Variants in MEF2A observed in about 807,000 individuals in gnomAD.
MEF2A encodes the protein myocyte enhancer factor 2A, also known as myocyte-specific enhancer factor 2A.
In MEF2A, 28 loss-of-function variants were observed where a neutral mutation model predicts 55.8. The ratio of observed to expected loss-of-function variants is 0.50; its 90% CI spans 0.37 to 0.69. The LOEUF is 0.69. Among genes scored for constraint, MEF2A ranks in the 30% least tolerant of loss-of-function variants. The pLI is 0.00. For synonymous variants in MEF2A, 239 were observed against 227.1 expected (o/e 1.05, Z -0.47); for missense variants, 528 against 626.2 (o/e 0.84, Z 1.67).
In MEF2A at chr15:99,655,523, G is replaced by A. The variant is rs547822455; in HGVS notation, c.258+9759G>A. ...GAGGGGTGTTTAAAAGTTTTAAGTA[G>A]TCAAGTCATTGTTACAGGAATTAAT... On this transcript the variant is annotated intron_variant, in intron 4 of 11. Transcript: ENST00000557942. Among the ~76,000 whole-genome samples the A allele has an allele frequency of 2.6e-5, 4 of 152,202 alleles. No individual in the cohort carries two copies. In the South Asian group the frequency reaches 8.3e-4, roughly 32 times the overall value.
At chr15:99,689,996 C>T (rs1223825216) in intron 7 of MEF2A, among the ~76,000 whole-genome samples, 2 of 152,168 alleles carry the variant, frequency 1.3e-5, no homozygotes, top group Non-Finnish European at 2.9e-5. Context: ...TGACGTGATT[C>T]TCAGAAGTGT....
chr15:99,615,025 T>G (rs2039963571), intron 2 of MEF2A, among the ~76,000 whole-genome samples: 1 of 152,102 alleles, frequency 6.6e-6, no homozygotes, highest in Non-Finnish European at 1.5e-5. Context: ...AAGGTTGCTG[T>G]AATGAAAATG....
intron 4 of MEF2A, among the ~76,000 whole-genome samples, chr15:99,666,849 C>T (rs1158167955): frequency 4.6e-5 from 7 of 152,178 alleles, no homozygotes; most frequent in African/African-American, 1.7e-4. Flanking sequence ...TTAATAGCTT[C>T]CGACAGAAAG....
At chr15:99,708,462 A>G (rs1189730854) in intron 10 of MEF2A, among the ~76,000 whole-genome samples, 3 of 152,230 alleles carry the variant, frequency 2.0e-5, no homozygotes, top group African/African-American at 7.2e-5. Flanking sequence ...AGTATAAAAG[A>G]AATTACCAAA....
intron 1 of MEF2A, among the ~76,000 whole-genome samples, chr15:99,572,117 A>T (rs1483826652): frequency 1.3e-5 from 2 of 148,826 alleles, no homozygotes; most frequent in Non-Finnish European, 3.0e-5. Flanking sequence ...GTGACTTCCC[A>T]TTCCTCTCAA....
At chr15:99,692,449 G>C (rs185103496) in intron 8 of MEF2A, among the ~76,000 whole-genome samples, 301 of 152,208 alleles carry the variant, frequency 2.0e-3, no homozygotes, top group Non-Finnish European at 2.8e-3. Flanking sequence ...GAGATTTCAC[G>C]GCAACCAACT....
chr15:99,572,641 C>T (rs1427846361), intron 1 of MEF2A, among the ~76,000 whole-genome samples: 1 of 152,084 alleles, frequency 6.6e-6, no homozygotes, highest in East Asian at 1.9e-4. Context: ...TGTTTTTTGC[C>T]AATGATTGGA....
rs1206225537 is a variant in MEF2A, at chr15:99,633,148, G to T, written c.29G>T (p.Arg10Leu). Reference protein sequence around the residue: MGRKKIQITRIMDERNRQVT... With the variant: MGRKKIQITLIMDERNRQVT... ...GGGCGGAAGAAAATACAAATCACAC[G>T]CATAATGGATGAAAGGAACCGACAG... The change falls in exon 3 of 12, where the codon CGC (arginine) becomes CTC (leucine). Residue 10 changes from arginine (R) to leucine (L), a missense_variant. This residue lies in a region of MEF2A where 78 missense variants were observed against 150.9 expected (regional missense o/e 0.52). Coordinates refer to ENST00000557942, the MANE Select transcript of MEF2A (RefSeq NM_001319206.4). 1 of 1,590,336 alleles carries T rather than the reference G, an allele frequency of 6.3e-7. No individual in the cohort carries two copies. Among genetic ancestry groups the T allele is most frequent in the Non-Finnish European group, 8.5e-7 (1 of 1,170,914 alleles).
intron 2 of MEF2A, among the ~76,000 whole-genome samples, chr15:99,631,397 TC>T (rs1222411209): frequency 6.6e-6 from 1 of 152,194 alleles, no homozygotes; most frequent in Non-Finnish European, 1.5e-5. Flanking sequence ...ATCTTTCAGT[TC>T]CTCTAATGTT....
At chr15:99,604,049 T>A (rs922742957) in intron 2 of MEF2A, among the ~76,000 whole-genome samples, 1 of 152,240 alleles carries the variant, frequency 6.6e-6, no homozygotes, top group Non-Finnish European at 1.5e-5. Flanking sequence ...TCTGCTGTTC[T>A]TACCTTTTGT....
chr15:99,699,108 T>C (rs2056971001), intron 8 of MEF2A, among the ~76,000 whole-genome samples: 2 of 151,960 alleles, frequency 1.3e-5, no homozygotes, highest in Non-Finnish European at 2.9e-5. Flanking sequence ...AATGCCACTC[T>C]TTGAGTATTT....
intron 8 of MEF2A, among the ~76,000 whole-genome samples, chr15:99,693,933 C>T (rs1036136306): frequency 2.0e-5 from 3 of 152,160 alleles, no homozygotes; most frequent in African/African-American, 7.2e-5. Context: ...TTTTCATACA[C>T]CCCACACATC....
At chr15:99,610,266 G>T (rs892442123) in intron 2 of MEF2A, among the ~76,000 whole-genome samples, 1 of 152,002 alleles carries the variant, frequency 6.6e-6, no homozygotes, top group African/African-American at 2.4e-5. Flanking sequence ...AAGTATCATT[G>T]ACAGAAATTA....
At chr15:99,643,541 A>G (rs2045403671) in intron 3 of MEF2A, among the ~76,000 whole-genome samples, 1 of 151,716 alleles carries the variant, frequency 6.6e-6, no homozygotes, top group Non-Finnish European at 1.5e-5. Flanking sequence ...AAACAAGTAC[A>G]TCAACAGATG....
Position 99,712,803 on chromosome 15 carries a change from T to TA in MEF2A, c.*33dup. On this transcript the variant is annotated 3_prime_UTR_variant, in exon 12 of 12. Coordinates refer to ENST00000557942, the MANE Select transcript of MEF2A (RefSeq NM_001319206.4). The surrounding 1 kb of genome is among the most constrained non-coding windows in gnomAD (Gnocchi z 4.1). ...CAAGCTGATGTTTGTACTTTTGTGTTACTGCAGTGACCTGCCCTACATATC... is the reference window on the plus strand; with the variant it reads ...CAAGCTGATGTTTGTACTTTTGTGTTAACTGCAGTGACCTGCCCTACATATC... 1.3e-6 allele frequency: 2 copies of TA among 1,545,090 alleles called. No homozygotes were observed. The highest frequency in any genetic ancestry group is 1.8e-6 in the Non-Finnish European group (2 of 1,142,246).
intron 4 of MEF2A, among the ~76,000 whole-genome samples, chr15:99,668,390 T>G (rs941818600): frequency 2.6e-5 from 4 of 152,196 alleles, no homozygotes; most frequent in Non-Finnish European, 4.4e-5. Flanking sequence ...GCAACTAGGA[T>G]AAGTCAACTT....
intron 4 of MEF2A, among the ~76,000 whole-genome samples, chr15:99,666,880 T>C (rs2049877128): frequency 6.6e-6 from 1 of 152,158 alleles, no homozygotes; most frequent in African/African-American, 2.4e-5. Flanking sequence ...GGATTTGCTG[T>C]TTTAGACAGT....
chr15:99,626,858 GATGACTGATGCATGTTGGAGATGT>G (rs1268758051), intron 2 of MEF2A, among the ~76,000 whole-genome samples: 1 of 152,174 alleles, frequency 6.6e-6, no homozygotes. Flanking sequence ...CGAAAGCGAA[GATGACTGATGCATGTTGGAGATGT>G]AAGCAGAGAG....
intron 1 of MEF2A, among the ~76,000 whole-genome samples, chr15:99,591,108 C>G (rs1412139809): frequency 1.3e-5 from 2 of 152,120 alleles, no homozygotes; most frequent in Non-Finnish European, 2.9e-5. Context: ...ATACATTATT[C>G]TTAGCTGAGT....
Sources: allele counts gnomAD v4.1 joint callset (sites outside exome capture counted in the v4.1 genomes callset), GRCh38; gene constraint gnomAD v4.1.1; regional missense constraint gnomAD v4.1.1; non-coding constraint Gnocchi (gnomAD v3.1); transcripts MANE v1.5; gene names NCBI Gene and HGNC (gene_info 2026-07-23, HGNC 2026-07-21).